The following BTBD10 variants were observed in gnomAD, a reference collection of about 807,000 sequenced individuals.
BTBD10 encodes BTB domain containing 10.
Under a neutral mutation model 53.2 loss-of-function variants are expected in BTBD10, and 21 were observed. That is an observed-to-expected ratio of 0.39 (90% CI 0.28 to 0.57). The LOEUF (loss-of-function observed/expected upper bound fraction) is 0.57, where lower values mean the gene tolerates loss of function less well. Ranked by LOEUF, BTBD10 falls within the 20% of genes least tolerant of loss-of-function variation. The probability of loss-of-function intolerance (pLI) is 0.53; values close to 1 mark genes in which losing one functional copy is unlikely to be tolerated. For synonymous variants in BTBD10, 149 were observed against 192.7 expected (o/e 0.77, Z 1.88); for missense variants, 360 against 594.7 (o/e 0.61, Z 4.10).
chr11:13,444,996 A>G, intron 2 of BTBD10, 28 bp downstream of exon 2: 1 of 1,544,808 alleles, frequency 6.5e-7, no homozygotes, highest in Non-Finnish European at 8.9e-7. Flanking sequence ...CAGAGCTTTC[A>G]TATGCGAAAT....
chr11:13,399,656 T>C (rs1027669594), intron 8 of BTBD10, among the ~76,000 whole-genome samples: 1 of 152,154 alleles, frequency 6.6e-6, no homozygotes, highest in Non-Finnish European at 1.5e-5. Flanking sequence ...TGCTGCTCTG[T>C]TTTTTCCCCA....
chr11:13,437,029 C>A (rs943728612), intron 2 of BTBD10, among the ~76,000 whole-genome samples: 1 of 152,186 alleles, frequency 6.6e-6, no homozygotes, highest in African/African-American at 2.4e-5. Context: ...GCAACCCGCA[C>A]GCCTCAGCTT....
intron 1 of BTBD10, among the ~76,000 whole-genome samples, chr11:13,449,169 T>C (rs983776745): frequency 4.6e-5 from 7 of 152,056 alleles, no homozygotes; most frequent in Non-Finnish European, 1.0e-4. Context: ...ACAAAATAAA[T>C]AATTGCTCCT....
At chr11:13,419,769 G>A in intron 3 of BTBD10, 24 bp from the exon 4 acceptor site, 1 of 1,498,622 alleles carries the variant, frequency 6.7e-7, no homozygotes, top group African/African-American at 1.4e-5. Flanking sequence ...GTTAGACGAA[G>A]TTATGCAAAT....
At chr11:13,415,525 G>C (rs1206318078) in intron 5 of BTBD10, among the ~76,000 whole-genome samples, 2 of 151,062 alleles carry the variant, frequency 1.3e-5, no homozygotes, top group Non-Finnish European at 2.9e-5. Flanking sequence ...TAAATACAAA[G>C]GGCTGTGGAA....
At chr11:13,398,681 T>C (rs1162511577) in intron 8 of BTBD10, among the ~76,000 whole-genome samples, 3 of 152,356 alleles carry the variant, frequency 2.0e-5, no homozygotes, top group East Asian at 3.9e-4. Context: ...TGGCTGGTAC[T>C]GGTTGTTCCT....
chr11:13,393,855 C>G (rs1461887378), intron 8 of BTBD10, among the ~76,000 whole-genome samples: 3 of 152,166 alleles, frequency 2.0e-5, no homozygotes, highest in African/African-American at 4.8e-5. Flanking sequence ...AGACCTGGCT[C>G]TGCTATTTAT....
intron 5 of BTBD10, among the ~76,000 whole-genome samples, chr11:13,414,667 TA>T (rs1219721002): frequency 8.4e-4 from 104 of 124,076 alleles, no homozygotes; most frequent in Admixed American, 1.6e-3. Context: ...ATAAAAATAA[TA>T]AAAAAAAAAA....
intron 1 of BTBD10, among the ~76,000 whole-genome samples, chr11:13,453,574 G>T (rs1950906885): frequency 6.6e-6 from 1 of 152,150 alleles, no homozygotes; most frequent in African/African-American, 2.4e-5. Context: ...CTTAAGTGTA[G>T]TTTTGTAAAT....
intron 6 of BTBD10, among the ~76,000 whole-genome samples, chr11:13,412,581 A>G (rs750788402): frequency 2.0e-5 from 3 of 152,248 alleles, no homozygotes; most frequent in Non-Finnish European, 4.4e-5. Flanking sequence ...TATACCTACT[A>G]CATCTTTACT....
intron 2 of BTBD10, among the ~76,000 whole-genome samples, chr11:13,431,006 T>G (rs78034672): frequency 8.1e-5 from 4 of 49,464 alleles, no homozygotes; most frequent in African/African-American, 2.3e-4. Flanking sequence ...CACACACAGA[T>G]ATATATATAT....
At chr11:13,443,249 C>T (rs76792041) in intron 2 of BTBD10, among the ~76,000 whole-genome samples, 1 of 123,246 alleles carries the variant, frequency 8.1e-6, no homozygotes, top group South Asian at 2.5e-4. Context: ...GAACCCATTT[C>T]AAAAAAAAAA....
intron 4 of BTBD10, 31 bp from the exon 5 acceptor site, chr11:13,417,291 A>C: frequency 6.9e-7 from 1 of 1,459,716 alleles, no homozygotes; most frequent in Non-Finnish European, 9.4e-7. Context: ...GAAATACGTC[A>C]ATAGAATACT....
In BTBD10 at chr11:13,413,536, C is replaced by G; in HGVS notation, c.802G>C (p.Asp268His). 6.2e-7 allele frequency: 1 copy of G among 1,605,114 alleles called. No homozygotes were observed. Among genetic ancestry groups the G allele is most frequent in the Non-Finnish European group, 8.5e-7 (1 of 1,176,166 alleles). ...SFEYSTIKCR[D>H]LSALMHELSN... is the part of the protein sequence containing the mutation. ...CACAAAACATCATACTTACTGAGAT[C>G]TCTACATTTAATAGTGCTATATTCA... Residue 268 changes from aspartate (D) to histidine (H), a missense_variant, in exon 6 of 9, where the codon GAT (aspartate) becomes CAT (histidine). By Grantham distance (81) the Asp-to-His change is moderately conservative. Around this residue, in one of 6 missense-constraint regions of BTBD10, gnomAD observed 91 missense variants for 171.7 expected, o/e 0.53. Transcript: ENST00000278174.
intron 5 of BTBD10, among the ~76,000 whole-genome samples, chr11:13,414,961 C>CT (rs1383755808): frequency 2.0e-5 from 3 of 151,780 alleles, no homozygotes; most frequent in African/African-American, 7.3e-5. Context: ...GAAACATCTT[C>CT]TGGTACTTGT....
At chr11:13,433,900 T>G (rs528047203) in intron 2 of BTBD10, among the ~76,000 whole-genome samples, 1 of 152,330 alleles carries the variant, frequency 6.6e-6, no homozygotes, top group Non-Finnish European at 1.5e-5. Context: ...TTCCTTTTTT[T>G]GGTCAATTAG....
At chr11:13,419,045 T>G (rs1950187244) in intron 4 of BTBD10, among the ~76,000 whole-genome samples, 1 of 148,772 alleles carries the variant, frequency 6.7e-6, no homozygotes, top group African/African-American at 2.5e-5. Context: ...CTAAACTACC[T>G]ATTGGGTTTT....
intron 6 of BTBD10, among the ~76,000 whole-genome samples, chr11:13,406,479 C>T (rs949639119): frequency 6.6e-5 from 10 of 152,052 alleles, no homozygotes; most frequent in South Asian, 2.1e-4. Context: ...ACTGAAGATG[C>T]CAACATCTCA....
At chr11:13,461,179 A>G (rs1245807443) in intron 1 of BTBD10, among the ~76,000 whole-genome samples, 1 of 152,134 alleles carries the variant, frequency 6.6e-6, no homozygotes, top group African/African-American at 2.4e-5. Flanking sequence ...ATTAATTTTG[A>G]TTTATAACAG....
Sources: gnomAD v4.1 joint callset for allele counts (sites outside exome capture counted in the v4.1 genomes callset) on GRCh38, gnomAD v4.1.1 for gene constraint, gnomAD v4.1.1 regional missense constraint, MANE v1.5 for transcripts, NCBI Gene and HGNC (gene_info 2026-07-23, HGNC 2026-07-21) for gene names.